The following OTX2 variants were observed in gnomAD, a reference collection of about 807,000 sequenced individuals.
OTX2 encodes homeobox protein OTX2.
OTX2 carries 4 observed loss-of-function variants against 29.0 expected under a neutral mutation model. The ratio of observed to expected loss-of-function variants is 0.14; its 90% CI spans 0.07 to 0.32. The LOEUF (loss-of-function observed/expected upper bound fraction) is 0.32. Among genes scored for constraint, OTX2 ranks in the 10% least tolerant of loss-of-function variants. OTX2 has a pLI of 1.00. For synonymous variants in OTX2, 134 were observed against 141.0 expected, an observed-to-expected ratio of 0.95 and a Z score of 0.35; for missense variants, 298 against 365.9, an observed-to-expected ratio of 0.81 and a Z score of 1.51.
intron 2 of OTX2, among the ~76,000 whole-genome samples, chr14:56,808,079 A>G (rs1178338077): frequency 6.7e-6 from 1 of 149,752 alleles, no homozygotes; most frequent in African/African-American, 2.4e-5. Flanking sequence ...CTAACGGTCA[A>G]TTCGTGCAAT....
At chr14:56,809,050 C>A (rs1892186581) in intron 2 of OTX2, among the ~76,000 whole-genome samples, 1 of 152,240 alleles carries the variant, frequency 6.6e-6, no homozygotes, top group Non-Finnish European at 1.5e-5. Context: ...CCTCGGCCCC[C>A]GCCCGGCCCC....
In OTX2 at chr14:56,802,666, C is replaced by T. The variant is rs552901827; in HGVS notation, c.274-311G>A. Among the ~76,000 whole-genome samples, 1 of 152,326 alleles carries T rather than the reference C, an allele frequency of 6.6e-6. No individual in the cohort carries two copies. Among genetic ancestry groups the T allele is most frequent in the East Asian group, 1.9e-4 (1 of 5,184 alleles). ...TATCTTATTTCGCCTCTAACACACA[C>T]ATACACATAGACCCAGCTATATTTT... On this transcript the variant is annotated intron_variant, in intron 4 of 4. Coordinates refer to ENST00000672264, the MANE Select transcript of OTX2 (RefSeq NM_021728.4). This position sits in a 1 kb window ranked among gnomAD's most constrained non-coding sequence, Gnocchi z 4.4.
intron 2 of OTX2, among the ~76,000 whole-genome samples, chr14:56,809,222 AGCT>A (rs935272424): frequency 6.6e-6 from 1 of 152,136 alleles, no homozygotes; most frequent in African/African-American, 2.4e-5. Context: ...AGGGGCCACT[AGCT>A]GCCACTTCTG....
Position 56,800,394 on chromosome 14 carries a change from A to G in OTX2, c.*1341T>C, listed in dbSNP as rs150409786. 1.2e-4 allele frequency: 18 copies of G among 152,258 alleles called. No homozygotes were observed. Among genetic ancestry groups the G allele is most frequent in the Non-Finnish European group, 2.4e-4 (16 of 68,032 alleles). 9.4% of individuals were successfully genotyped at this position (152,258 alleles called of 1,614,324 possible). On this transcript the variant is annotated 3_prime_UTR_variant, in exon 5 of 5. Transcript: ENST00000672264. Reference sequence around the variant, plus strand: ...TCCTCCTCCCTCTTAAAAACTTGATATATTTTAAAACATTCTAATAAAGTG... The same window carrying G: ...TCCTCCTCCCTCTTAAAAACTTGATGTATTTTAAAACATTCTAATAAAGTG...
chr14:56,805,287 G>A, intron 3 of OTX2, 73 bp downstream of exon 3: 2 of 1,011,104 alleles, frequency 2.0e-6, no homozygotes, highest in Non-Finnish European at 3.1e-6. Flanking sequence ...GTGTTCCATG[G>A]GAACAGGGTG....
rs763064579 is a variant in OTX2, at chr14:56,802,182, G to A, written c.447C>T (p.Thr149=). The change falls in exon 5 of 5, where the codon ACC becomes ACT. Residue 149 remains threonine, a synonymous_variant. Transcript: ENST00000672264. This position sits in a 1 kb window ranked among gnomAD's most constrained non-coding sequence, Gnocchi z 4.4. The part of the protein sequence containing the change: ...FTPPSSTSVP[T]IASSSAPVSI... ...ACACAGGAGCACTGCTGCTGGCAAT[G>A]GTCGGGACTGAGGTGCTAGAGGGGG... The A allele has an allele frequency of 6.2e-7, 1 of 1,614,138 alleles. No homozygotes were observed. Among genetic ancestry groups the A allele is most frequent in the East Asian group, 2.2e-5 (1 of 44,880 alleles).
rs757464106 is a variant in OTX2 at position 56,801,689 on chromosome 14, C to A, written c.*46G>T. 4 of 1,597,480 alleles carry A rather than the reference C, an allele frequency of 2.5e-6. No homozygotes were observed. Among genetic ancestry groups the A allele is most frequent in the African/African-American group, 2.7e-5 (2 of 74,682 alleles). ...GCCTGGCTAAAACTGGAATGTCCAG[C>A]CCAGTATATTTAAAAATCACCCACA... is the stretch of plus-strand genomic sequence containing the variant. On this transcript the variant is annotated 3_prime_UTR_variant, in exon 5 of 5. Transcript: ENST00000672264. The surrounding 1 kb of genome is among the most constrained non-coding windows in gnomAD (Gnocchi z 4.2).
chr14:56,809,055 G>C (rs1328989777), intron 2 of OTX2, among the ~76,000 whole-genome samples: 1 of 152,144 alleles, frequency 6.6e-6, no homozygotes, highest in Non-Finnish European at 1.5e-5. Flanking sequence ...GCCCCCGCCC[G>C]GCCCCGAGCC....
Position 56,802,724 on chromosome 14 carries a change from C to CT in OTX2, c.274-370dup, listed in dbSNP as rs1261756101. On this transcript the variant is annotated intron_variant, in intron 4 of 4. Transcript: ENST00000672264. The surrounding 1 kb of genome is among the most constrained non-coding windows in gnomAD (Gnocchi z 4.4). ...TCTCACAGAGGAATAGAATGTATCTCTGTCTTTTGGAGGGAAATACATGAG... is the reference window on the plus strand; with the variant it reads ...TCTCACAGAGGAATAGAATGTATCTCTTGTCTTTTGGAGGGAAATACATGAG... 6.6e-6 allele frequency among the ~76,000 whole-genome samples: 1 copy of CT among 152,210 alleles called. No individual in the cohort carries two copies. The highest frequency in any genetic ancestry group is 1.5e-5 in the Non-Finnish European group (1 of 68,040).
chr14:56,805,312 G>A (rs368104942), intron 3 of OTX2, 48 bp downstream of exon 3: 3 of 1,245,740 alleles, frequency 2.4e-6, no homozygotes. Flanking sequence ...ATCCCCGGAG[G>A]GTGGGCATGG....
In OTX2 at chr14:56,804,373, G is replaced by A. The variant is rs781320710; in HGVS notation, c.98-10C>T. ...CAAGAAGCCCAGGGCCCTTTAGGGT[G>A]GGGGAGCAGTTTCTCAGTCATAGGC... On this transcript the variant is annotated splice_polypyrimidine_tract_variant and intron_variant, in intron 3 of 4. Coordinates refer to ENST00000672264, the MANE Select transcript of OTX2 (RefSeq NM_021728.4). This position sits in a 1 kb window ranked among gnomAD's most constrained non-coding sequence, Gnocchi z 4.1. 6.2e-7 allele frequency: 1 copy of A among 1,611,098 alleles called. No homozygotes were observed. The highest frequency in any genetic ancestry group is 1.1e-5 in the South Asian group (1 of 90,984).
rs2139529523 is a variant in OTX2 at position 56,802,393 on chromosome 14, T to C, written c.274-38A>G. 3.7e-6 allele frequency: 6 copies of C among 1,611,560 alleles called. No homozygotes were observed. The highest frequency in any genetic ancestry group is 4.2e-6 in the Non-Finnish European group (5 of 1,178,726). ...AGAAAATTCTTTAACTCGGTTTTGA[T>C]AGTTCCTTAAGGACAAGAATGGCTC... On this transcript the variant is annotated intron_variant, in intron 4 of 4. Transcript: ENST00000672264. The surrounding 1 kb of genome is among the most constrained non-coding windows in gnomAD (Gnocchi z 4.4).
chr14:56,806,093 T>G (rs767114839), intron 2 of OTX2, among the ~76,000 whole-genome samples: 1 of 152,170 alleles, frequency 6.6e-6, no homozygotes, highest in South Asian at 2.1e-4. Context: ...TGCCTTTCCA[T>G]GGCAGAGATT....
chr14:56,805,611 G>T (rs1266672856), intron 2 of OTX2, 36 bp from the exon 3 acceptor site: 1 of 666,606 alleles, frequency 1.5e-6, no homozygotes, highest in Non-Finnish European at 2.7e-6. Context: ...AGAGGGGCTG[G>T]TTTACTGCTT....
rs1482490326 is a variant in OTX2 at position 56,801,583 on chromosome 14, C to T, written c.*152G>A. ...TGCTGGTTTGTAGGCCCCTCTAAGG[C>T]CCTTCGTTTTTCCTTCTATGCCTCT... is the stretch of plus-strand genomic sequence containing the variant. On this transcript the variant is annotated 3_prime_UTR_variant, in exon 5 of 5. Coordinates refer to ENST00000672264, the MANE Select transcript of OTX2 (RefSeq NM_021728.4). The surrounding 1 kb of genome is among the most constrained non-coding windows in gnomAD (Gnocchi z 4.2). 2.5e-6 allele frequency: 2 copies of T among 799,530 alleles called. No individual in the cohort carries two copies. The highest frequency in any genetic ancestry group is 4.2e-6 in the Non-Finnish European group (2 of 476,786). The allele number at this position is 799,530 out of a possible 1,614,324, so 49.5% of individuals were successfully genotyped here.
At position 56,805,272 on chromosome 14, in the gene OTX2, C is replaced by T; in HGVS notation, c.97+88G>A. ...TGGGTGGGGACAGTGTGACTGCCAA[C>T]CCCCGTGTTCCATGGGAACAGGGTG... On this transcript the variant is annotated intron_variant, in intron 3 of 4. Coordinates refer to ENST00000672264, the MANE Select transcript of OTX2 (RefSeq NM_021728.4). 2 of 894,930 alleles carry T rather than the reference C, an allele frequency of 2.2e-6. 1 individual carries two copies. The highest frequency in any genetic ancestry group is 2.8e-5 in the South Asian group (2 of 72,360). The allele number at this position is 894,930 out of a possible 1,614,324, so 55.4% of individuals were successfully genotyped here.
rs1245573876 is a variant in OTX2, at chr14:56,802,885, TCA to T, written c.274-532_274-531del. Among the ~76,000 whole-genome samples the T allele has an allele frequency of 6.6e-6, 1 of 152,192 alleles. No individual in the cohort carries two copies. The highest frequency in any genetic ancestry group is 1.5e-5 in the Non-Finnish European group (1 of 68,032). On this transcript the variant is annotated intron_variant, in intron 4 of 4. Coordinates refer to ENST00000672264, the MANE Select transcript of OTX2 (RefSeq NM_021728.4). The surrounding 1 kb of genome is among the most constrained non-coding windows in gnomAD (Gnocchi z 4.4). ...ACCCTTCTGTCTCTCTTAGAAAGAC[TCA>T]CAGAACAAAGCTCCAAGGGGAAGAC... is the stretch of plus-strand genomic sequence containing the variant.
chr14:56,807,197 C>T (rs995116954), intron 2 of OTX2, among the ~76,000 whole-genome samples: 4 of 152,274 alleles, frequency 2.6e-5, no homozygotes, highest in Non-Finnish European at 5.9e-5. Context: ...CCCTACAATA[C>T]AGACTTTATG....
Position 56,804,263 on chromosome 14 carries a change from G to A in OTX2, c.198C>T (p.Ala66=), listed in dbSNP as rs1891996601. 1.2e-6 allele frequency: 2 copies of A among 1,614,206 alleles called. No homozygotes were observed. The highest frequency in any genetic ancestry group is 4.5e-5 in the East Asian group (2 of 44,886). ...AQLDVLEALF[A]KTRYPDIFMR... is the part of the protein sequence containing the mutation. Reference sequence around the variant, plus strand: ...TGAAGATGTCTGGGTACCGGGTCTTGGCAAACAGTGCTTCCAGCACATCTA... The same window carrying A: ...TGAAGATGTCTGGGTACCGGGTCTTAGCAAACAGTGCTTCCAGCACATCTA... The change falls in exon 4 of 5, where the codon GCC becomes GCT. Residue 66 remains alanine (A), a synonymous_variant. Transcript: ENST00000672264. This position sits in a 1 kb window ranked among gnomAD's most constrained non-coding sequence, Gnocchi z 4.1.
Sources: allele counts gnomAD v4.1 joint callset (sites outside exome capture counted in the v4.1 genomes callset), GRCh38; gene constraint gnomAD v4.1.1; non-coding constraint Gnocchi (gnomAD v3.1); transcripts MANE v1.5; gene names NCBI Gene and HGNC (gene_info 2026-07-23, HGNC 2026-07-21).